Variants in GPC3 observed in about 807,000 individuals in gnomAD.
The protein encoded by GPC3 is glypican 3, also known as glypican-3.
In GPC3, 3 loss-of-function variants were observed where a neutral mutation model predicts 34.4. The ratio of observed to expected loss-of-function variants is 0.09; its 90% CI spans 0.04 to 0.23. GPC3 has a LOEUF of 0.23. Among genes scored for constraint, GPC3 ranks in the 10% least tolerant of loss-of-function variants. GPC3 has a pLI of 1.00. For synonymous variants in GPC3, 177 were observed against 174.0 expected (o/e 1.02, Z -0.13); for missense variants, 351 against 445.6 (o/e 0.79, Z 1.91).
intron 6 of GPC3, among the ~76,000 whole-genome samples, chrX:133,610,702 G>A (rs1286274866): frequency 9.7e-6 from 1 of 103,417 alleles, no homozygotes; most frequent in East Asian, 3.0e-4. Flanking sequence ...AGATGCAACA[G>A]GAGAGGGGAT....
At chrX:133,751,072 C>CA (rs1275674022) in intron 3 of GPC3, among the ~76,000 whole-genome samples, 1 of 61,539 alleles carries the variant, frequency 1.6e-5, no homozygotes, top group Non-Finnish European at 3.5e-5. Context: ...GACTCTGTCT[C>CA]AAAAATAAAT....
At chrX:133,629,645 C>T (rs1466333176) in intron 6 of GPC3, among the ~76,000 whole-genome samples, 3 of 108,909 alleles carry the variant, frequency 2.8e-5, no homozygotes, top group Non-Finnish European at 5.7e-5. Flanking sequence ...CTGCCTGCCT[C>T]GGCCTCCCAA....
intron 6 of GPC3, among the ~76,000 whole-genome samples, chrX:133,604,045 G>C (rs942816513): frequency 2.7e-5 from 3 of 111,242 alleles, no homozygotes; most frequent in Admixed American, 1.9e-4. Context: ...CACTGTGCTG[G>C]GGTTTAACAT....
At chrX:133,637,422 A>T (rs1430289969) in intron 6 of GPC3, among the ~76,000 whole-genome samples, 3 of 110,458 alleles carry the variant, frequency 2.7e-5, no homozygotes, top group East Asian at 2.9e-4. Context: ...ATCTCAAAAA[A>T]AAAAATAAAA....
At chrX:133,842,684 A>T (rs2075831115) in intron 2 of GPC3, among the ~76,000 whole-genome samples, 1 of 111,042 alleles carries the variant, frequency 9.0e-6, no homozygotes, top group Admixed American at 9.7e-5. Flanking sequence ...GAGTTTCTAT[A>T]TAGAAATTAT....
rs752110529 is a variant in GPC3 at position 133,692,491 on chromosome X, T to C, written c.1170A>G (p.Glu390=). The stretch of plus-strand genomic sequence containing the variant: ...TGAAAGACTTCAACTTCTGAATTAG[T>C]TCCCTAAAAGAAAAACAAAACATCT... ...HEETLSSRRR[E]LIQKLKSFIS... Residue 390 remains glutamate (E), a synonymous_variant, in exon 5 of 8, where the codon GAA becomes GAG. Transcript: ENST00000370818. 4 of 1,206,252 alleles carry C rather than the reference T, an allele frequency of 3.3e-6. No homozygotes were observed. The highest frequency in any genetic ancestry group is 4.5e-6 in the Non-Finnish European group (4 of 890,516).
chrX:133,948,438 C>A (rs765591075), intron 2 of GPC3, among the ~76,000 whole-genome samples: 1 of 110,523 alleles, frequency 9.0e-6, no homozygotes, highest in Non-Finnish European at 1.9e-5. Flanking sequence ...CTGCCCTCCC[C>A]CCCATTCAGA....
chrX:133,842,748 C>T (rs5975429), intron 2 of GPC3, among the ~76,000 whole-genome samples: 8,587 of 110,153 alleles, frequency 0.078, 566 homozygotes, highest in African/African-American at 0.21. Flanking sequence ...TTATTATTAT[C>T]AGATACTCAG....
intron 3 of GPC3, among the ~76,000 whole-genome samples, chrX:133,745,679 A>G (rs2071605583): frequency 8.9e-6 from 1 of 112,548 alleles, no homozygotes; most frequent in Non-Finnish European, 1.9e-5. Flanking sequence ...TTTTTGGCCA[A>G]TCAGTCAGGG....
At chrX:133,764,134 AC>A (rs748001008) in intron 2 of GPC3, among the ~76,000 whole-genome samples, 1 of 112,056 alleles carries the variant, frequency 8.9e-6, no homozygotes, top group Non-Finnish European at 1.9e-5. Flanking sequence ...CATGGATGCA[AC>A]TGAAGGTCAT....
At chrX:133,762,772 C>T (rs764532581) in intron 2 of GPC3, 2 of 452,791 alleles carry the variant, frequency 4.4e-6, no homozygotes, top group South Asian at 2.8e-5. Flanking sequence ...GATTCCTGTC[C>T]TAACTCAGAG....
intron 2 of GPC3, among the ~76,000 whole-genome samples, chrX:133,817,178 G>C (rs2075696173): frequency 9.0e-6 from 1 of 111,211 alleles, no homozygotes; most frequent in African/African-American, 3.3e-5. Flanking sequence ...TCTAGTACAT[G>C]ACCATTGCCT....
chrX:133,659,397 G>T (rs561993632), intron 6 of GPC3, among the ~76,000 whole-genome samples: 2 of 111,662 alleles, frequency 1.8e-5, no homozygotes, highest in African/African-American at 6.5e-5. Flanking sequence ...TCCGCCCACA[G>T]GTCTTCACTC....
At chrX:133,554,861 C>T (rs1006299043) in intron 7 of GPC3, among the ~76,000 whole-genome samples, 1 of 111,717 alleles carries the variant, frequency 9.0e-6, no homozygotes, top group African/African-American at 3.3e-5. Flanking sequence ...TCATGAGTTG[C>T]ACCCTTCTAT....
chrX:133,930,269 T>C (rs899583513), intron 2 of GPC3, among the ~76,000 whole-genome samples: 1 of 112,013 alleles, frequency 8.9e-6, no homozygotes, highest in African/African-American at 3.2e-5. Context: ...TTGTCACAAC[T>C]GGAGAGAGGT....
At chrX:133,769,280 T>A (rs1275572010) in intron 2 of GPC3, among the ~76,000 whole-genome samples, 1 of 112,049 alleles carries the variant, frequency 8.9e-6, no homozygotes. Context: ...AAAGTTTCAG[T>A]TACACAAGAT....
chrX:133,767,730 C>G (rs1014552957), intron 2 of GPC3, among the ~76,000 whole-genome samples: 6 of 110,712 alleles, frequency 5.4e-5, no homozygotes, highest in Non-Finnish European at 1.1e-4. Context: ...GGAAGGTAAC[C>G]ACCACCACAG....
At chrX:133,756,410 A>G (rs2071726351) in intron 2 of GPC3, among the ~76,000 whole-genome samples, 1 of 112,407 alleles carries the variant, frequency 8.9e-6, no homozygotes, top group African/African-American at 3.2e-5. Flanking sequence ...AAGACCAACA[A>G]AGCAGAGTCA....
intron 7 of GPC3, among the ~76,000 whole-genome samples, chrX:133,593,014 G>A (rs2124326241): frequency 9.0e-6 from 1 of 111,403 alleles, no homozygotes; most frequent in African/African-American, 3.3e-5. Flanking sequence ...AAGAAAAAAA[G>A]GTCAATCTCT....
Sources: gnomAD v4.1 joint callset for allele counts (sites outside exome capture counted in the v4.1 genomes callset) on GRCh38, gnomAD v4.1.1 for gene constraint, MANE v1.5 for transcripts, NCBI Gene and HGNC (gene_info 2026-07-23, HGNC 2026-07-21) for gene names.